COL5A2: variants seen among roughly 807,000 people sequenced by gnomAD.
The protein encoded by COL5A2 is collagen alpha-2(V) chain.
COL5A2 carries 23 observed loss-of-function variants against 208.2 expected under a neutral mutation model. The observed-to-expected ratio is 0.11, with a 90% CI of 0.08 to 0.16. The LOEUF is 0.16. COL5A2 is among the 10% of genes least tolerant of loss of function. COL5A2 has a pLI of 1.00. For missense variants in COL5A2, 1,590 were observed against 1,956.4 expected (o/e 0.81, Z 3.53); for synonymous variants, 625 against 628.5 (o/e 0.99, Z 0.08).
Position 189,052,911 on chromosome 2 carries a change from A to T in COL5A2, c.2661T>A (p.His887Gln). 7 of 1,613,968 alleles carry T rather than the reference A, an allele frequency of 4.3e-6. No individual in the cohort carries two copies. In the South Asian group the frequency reaches 7.7e-5, roughly 18 times the overall value. ...PQGLAGSPGP[H>Q]GPNGVPGLKG... ...TTATGCCTTTTTCTTGTTAACTTAC[A>T]TGAGGGCCAGGGGATCCTGCTAAAC... Residue 887 changes from histidine (H) to glutamine (Q), a missense_variant and splice_region_variant, in exon 39 of 54, where the codon CAT becomes CAA. By Grantham distance (24) the His-to-Gln change is conservative. Coordinates refer to ENST00000374866, the MANE Select transcript of COL5A2 (RefSeq NM_000393.5).
Position 189,078,701 on chromosome 2 carries a change from T to C in COL5A2, c.1006-132A>G, listed in dbSNP as rs1011601539. ...AGCAGTAGTATTTCCAGGGGCAATG[T>C]TGGGTTTGAAAAACTATCCCCATGT... On this transcript the variant is annotated intron_variant, in intron 15 of 53. Transcript: ENST00000374866. 4.8e-6 allele frequency: 4 copies of C among 831,788 alleles called. No homozygotes were observed. In the African/African-American group the frequency reaches 6.7e-5, roughly 14 times the overall value. The allele number at this position is 831,788 out of a possible 1,614,324, so 51.5% of individuals were successfully genotyped here.
intron 1 of COL5A2, among the ~76,000 whole-genome samples, chr2:189,205,713 TA>T: frequency 6.6e-6 from 1 of 152,354 alleles, no homozygotes; most frequent in South Asian, 2.1e-4. Flanking sequence ...AATTATTGGT[TA>T]TCTACATTCA....
rs145047636 is a variant in COL5A2 at position 189,191,405 on chromosome 2, C to G, written c.-42+33743G>C. Among the ~76,000 whole-genome samples the G allele has an allele frequency of 2.0e-3, 298 of 152,176 alleles. 7 individuals carry two copies. The East Asian group carries it at 0.049, about 25-fold the overall frequency. ...TCTGTAATCCCAGCACTTTGGGAGG[C>G]TGAGGTGGGTAGATCACCTGAGGTC... On this transcript the variant is annotated intron_variant, in intron 1 of 10. Coordinates refer to the COL5A2 transcript ENST00000649966.
chr2:189,102,836 A>G (rs1687073758), intron 3 of COL5A2, among the ~76,000 whole-genome samples: 2 of 152,096 alleles, frequency 1.3e-5, no homozygotes, highest in African/African-American at 4.8e-5. Flanking sequence ...TTTTTATAAC[A>G]TTGCTTTGCT....
chr2:189,076,791 A>C (rs1456931603), intron 16 of COL5A2, among the ~76,000 whole-genome samples: 1 of 152,146 alleles, frequency 6.6e-6, no homozygotes, highest in African/African-American at 2.4e-5. Flanking sequence ...AACACACTGA[A>C]GAACTTCAGC....
chr2:189,350,878 T>C, the COL5A2 span, among the ~76,000 whole-genome samples: 1 of 152,220 alleles, frequency 6.6e-6, no homozygotes, highest in Non-Finnish European at 1.5e-5. Context: ...CAGATGTTTC[T>C]AATTTCTCTA....
chr2:189,300,663 GAAGT>G, the COL5A2 span, among the ~76,000 whole-genome samples: 1 of 152,232 alleles, frequency 6.6e-6, no homozygotes, highest in Non-Finnish European at 1.5e-5. Flanking sequence ...GTGTGTCTGA[GAAGT>G]AAGTAGCAAT....
chr2:189,206,953 G>T (rs567772142), intron 1 of COL5A2, among the ~76,000 whole-genome samples: 68 of 152,248 alleles, frequency 4.5e-4, no homozygotes, highest in Admixed American at 1.4e-3. Flanking sequence ...TATTTGTCTT[G>T]TAACATTGCC....
the COL5A2 span, among the ~76,000 whole-genome samples, chr2:189,319,967 C>A: frequency 6.6e-6 from 1 of 152,222 alleles, no homozygotes; most frequent in South Asian, 2.1e-4. Flanking sequence ...TGAGACAAAA[C>A]CTCCAGAGGA....
chr2:189,324,539 T>C, the COL5A2 span, among the ~76,000 whole-genome samples: 2 of 152,240 alleles, frequency 1.3e-5, no homozygotes, highest in African/African-American at 4.8e-5. Flanking sequence ...AGAAGACATT[T>C]ATGCAGCCAA....
the COL5A2 span, among the ~76,000 whole-genome samples, chr2:189,341,062 A>G: frequency 6.6e-6 from 1 of 152,232 alleles, no homozygotes; most frequent in Non-Finnish European, 1.5e-5. Context: ...TCTATCTTCA[A>G]TATAGATGAT....
chr2:189,179,709 C>T lies in COL5A2; in HGVS notation c.-105G>A. 1.3e-6 allele frequency: 2 copies of T among 1,539,522 alleles called. No homozygotes were observed. The highest frequency in any genetic ancestry group is 1.7e-6 in the Non-Finnish European group (2 of 1,145,612). On this transcript the variant is annotated 5_prime_UTR_variant, in exon 1 of 54. Coordinates refer to ENST00000374866, the MANE Select transcript of COL5A2 (RefSeq NM_000393.5). ...TGGGCTCTTCTTTCAGCACCAGCCC[C>T]AGGGCAGCCTCTGCAAACCCCCTTT... is the stretch of plus-strand genomic sequence containing the variant.
chr2:189,196,224 G>C (rs939140734), intron 1 of COL5A2, among the ~76,000 whole-genome samples: 1 of 151,890 alleles, frequency 6.6e-6, no homozygotes. Context: ...CTTCAAAGGT[G>C]GTGTTCCATT....
At chr2:189,435,771 AT>A in the COL5A2 span, among the ~76,000 whole-genome samples, 5 of 152,216 alleles carry the variant, frequency 3.3e-5, no homozygotes, top group African/African-American at 9.6e-5. Context: ...CAGTGTGGCG[AT>A]TCCTCAGGGA....
intron 1 of COL5A2, among the ~76,000 whole-genome samples, chr2:189,188,997 G>A (rs1269808408): frequency 6.6e-6 from 1 of 152,076 alleles, no homozygotes; most frequent in Non-Finnish European, 1.5e-5. Flanking sequence ...ATTCTGTTTT[G>A]CAGATTTATA....
chr2:189,409,202 C>CT, the COL5A2 span, among the ~76,000 whole-genome samples: 22 of 89,772 alleles, frequency 2.5e-4, 1 homozygote, highest in South Asian at 1.8e-3. Context: ...TATAAATTTA[C>CT]TCTTTTTTTT....
chr2:189,122,494 T>C (rs985180650), intron 1 of COL5A2, among the ~76,000 whole-genome samples: 2 of 152,186 alleles, frequency 1.3e-5, no homozygotes, highest in Non-Finnish European at 2.9e-5. Context: ...ACTTGGTACA[T>C]GTGATACCTC....
chr2:189,125,413 T>C (rs1256110798), intron 1 of COL5A2, among the ~76,000 whole-genome samples: 1 of 152,140 alleles, frequency 6.6e-6, no homozygotes, highest in Non-Finnish European at 1.5e-5. Flanking sequence ...ACAGCAGTAT[T>C]CACATACAGT....
At chr2:189,272,453 T>C in the COL5A2 span, among the ~76,000 whole-genome samples, 27 of 151,562 alleles carry the variant, frequency 1.8e-4, no homozygotes, top group African/African-American at 6.5e-4. Flanking sequence ...TAGGTAGGAG[T>C]TGAACAATGA....
Sources: allele counts gnomAD v4.1 joint callset (sites outside exome capture counted in the v4.1 genomes callset), GRCh38; gene constraint gnomAD v4.1.1; transcripts MANE v1.5; gene names NCBI Gene and HGNC (gene_info 2026-07-23, HGNC 2026-07-21).